Variants in CMPK2 observed in about 807,000 individuals in gnomAD.
The protein encoded by CMPK2 is UMP-CMP kinase 2, mitochondrial.
In CMPK2, 32 loss-of-function variants were observed where a neutral mutation model predicts 33.4. The ratio of observed to expected loss-of-function variants is 0.96; its 90% CI spans 0.72 to 1.29. The LOEUF (loss-of-function observed/expected upper bound fraction) is 1.29, where lower values mean the gene tolerates loss of function less well. Ranked by LOEUF, CMPK2 falls within the 50% of genes most tolerant of loss-of-function variation. CMPK2 has a pLI of 0.00. For missense variants in CMPK2, 672 were observed against 616.0 expected (o/e 1.09, Z -0.96); for synonymous variants, 299 against 275.3 (o/e 1.09, Z -0.85).
At chr2:6,841,525 G>A (rs1416381634) in intron 3 of CMPK2, among the ~76,000 whole-genome samples, 1 of 152,162 alleles carries the variant, frequency 6.6e-6, no homozygotes, top group Non-Finnish European at 1.5e-5. Flanking sequence ...TTTGGTGAAG[G>A]ATCTTAAGAA....
At position 6,851,033 on chromosome 2, in the gene CMPK2, T is replaced by A. The variant is rs372637540; in HGVS notation, c.1226+417A>T. ...GTTGTAAACTGTAAAATACGGCTAA[T>A]GTTTTCCTCACAAGGATGACATAAC... On this transcript the variant is annotated intron_variant, in intron 4 of 4. Transcript: ENST00000256722. The A allele has an allele frequency of 4.8e-4, 491 of 1,031,246 alleles. 2 individuals carry two copies. In the South Asian group the frequency reaches 0.016, roughly 34 times the overall value. The allele number at this position is 1,031,246 out of a possible 1,614,324, so 63.9% of individuals were successfully genotyped here.
At chr2:6,857,307 GTTTT>G (rs907226942) in intron 3 of CMPK2, among the ~76,000 whole-genome samples, 2 of 146,718 alleles carry the variant, frequency 1.4e-5, no homozygotes, top group Admixed American at 6.8e-5. Flanking sequence ...CTTCTTTTTT[GTTTT>G]TTGTTTTATT....
At position 6,861,263 on chromosome 2, in the gene CMPK2, C is replaced by G; in HGVS notation, c.913G>C (p.Ala305Pro). Residue 305 changes from alanine to proline, a missense_variant, in exon 3 of 5, where the codon GCT (alanine) becomes CCT (proline). Ala to Pro is a conservative substitution (Grantham distance 27, BLOSUM62 -1). Transcript: ENST00000256722. The stretch of plus-strand genomic sequence containing the variant: ...ATATAATTGCCCAAAGAGTAAAAAG[C>G]TCTTCTAATGATAGTTGGTTCATCA... ...FDDEPTIIRR[A>P]FYSLGNYIVA... The G allele has an allele frequency of 1.2e-6, 2 of 1,614,098 alleles. No individual in the cohort carries two copies. The highest frequency in any genetic ancestry group is 1.3e-5 in the African/African-American group (1 of 75,012).
chr2:6,865,118 C>T lies in CMPK2; in HGVS notation c.579G>A (p.Val193=), dbSNP rs933843144. 2.0e-6 allele frequency: 3 copies of T among 1,515,790 alleles called. No homozygotes were observed. Among genetic ancestry groups the T allele is most frequent in the Admixed American group, 2.1e-5 (1 of 48,306 alleles). 93.9% of individuals were successfully genotyped at this position (1,515,790 alleles called of 1,614,324 possible). A position where few individuals can be genotyped will look rare whatever the true frequency, so the allele number is the denominator to read the frequency against. The change falls in exon 1 of 5, where the codon GTG becomes GTA. Residue 193 remains valine, a synonymous_variant. Transcript: ENST00000256722. ...GGTGCAGCGGGGGCTCCGGGACGGG[C>T]ACGACCTGTGCGCAGCCCACCTGCA... ...RRLQVGCAQV[V]PVPEPPLHPV... is the part of the protein sequence containing the mutation.
chr2:6,852,472 T>C (rs888048324), intron 3 of CMPK2, among the ~76,000 whole-genome samples: 1 of 152,098 alleles, frequency 6.6e-6, no homozygotes, highest in Non-Finnish European at 1.5e-5. Flanking sequence ...GAGAGTGAGG[T>C]TCTCAGCCAG....
downstream of CMPK2, among the ~76,000 whole-genome samples, chr2:6,844,534 A>C (rs530481872): frequency 1.4e-4 from 21 of 152,258 alleles, no homozygotes; most frequent in East Asian, 4.1e-3. Context: ...TGTCCTTCTC[A>C]AGCCTTCCAG....
intron 3 of CMPK2, among the ~76,000 whole-genome samples, chr2:6,843,170 G>C (rs74454642): frequency 7.4e-4 from 112 of 152,290 alleles, no homozygotes; most frequent in African/African-American, 2.6e-3. Context: ...CTGATTGGAG[G>C]GATCCTCTAA....
intron 3 of CMPK2, among the ~76,000 whole-genome samples, chr2:6,857,217 G>A (rs566874519): frequency 6.6e-6 from 1 of 152,114 alleles, no homozygotes; most frequent in East Asian, 1.9e-4. Flanking sequence ...TCATCCATTT[G>A]TCATCGTGAT....
At chr2:6,854,953 T>C (rs948272390) in intron 3 of CMPK2, among the ~76,000 whole-genome samples, 1 of 151,896 alleles carries the variant, frequency 6.6e-6, no homozygotes, top group Non-Finnish European at 1.5e-5. Flanking sequence ...GCAGGCATCC[T>C]AGGACATAAT....
rs1439411941 is a variant in CMPK2, at chr2:6,848,891, CACTGT to C, written c.*954_*958del. On this transcript the variant is annotated 3_prime_UTR_variant, in exon 5 of 5. Transcript: ENST00000256722. ...TACCAAGAAATCCCACTCCAAGATC[CACTGT>C]ACTTATTTAACAAGACAAATTAAGT... 1.0e-6 allele frequency: 1 copy of C among 985,588 alleles called. No individual in the cohort carries two copies. Among genetic ancestry groups the C allele is most frequent in the African/African-American group, 1.7e-5 (1 of 57,228 alleles). 61.1% of individuals were successfully genotyped at this position (985,588 alleles called of 1,614,324 possible).
rs1558329678 is a variant in CMPK2, at chr2:6,865,636, C to CG, written c.60dup (p.Gly21ArgfsTer119). 7.4e-7 allele frequency: 1 copy of CG among 1,355,778 alleles called. No individual in the cohort carries two copies. Among genetic ancestry groups the CG allele is most frequent in the Admixed American group, 3.4e-5 (1 of 29,410 alleles). 84.0% of individuals were successfully genotyped at this position (1,355,778 alleles called of 1,614,324 possible). On this transcript the variant is annotated frameshift_variant, in exon 1 of 5. Transcript: ENST00000256722. LOFTEE classifies it high-confidence loss of function. The stretch of plus-strand genomic sequence containing the variant: ...GGAGCCATGGCCCCAGCGCAGACCC[C>CG]GCGCCGCCCGAGCAGCGGCCCCGAC...
intron 3 of CMPK2, among the ~76,000 whole-genome samples, chr2:6,843,048 C>T (rs1026512640): frequency 6.6e-6 from 1 of 152,188 alleles, no homozygotes; most frequent in Non-Finnish European, 1.5e-5. Context: ...TATTGTAAAA[C>T]TTTAATCTGA....
intron 3 of CMPK2, among the ~76,000 whole-genome samples, chr2:6,858,652 C>G (rs1412298600): frequency 1.3e-5 from 2 of 152,240 alleles, no homozygotes; most frequent in Non-Finnish European, 2.9e-5. Flanking sequence ...CTACTCTTGT[C>G]TGCTGCCATG....
rs1662444943 is a variant in CMPK2 at position 6,849,404 on chromosome 2, A to AGATGTGGAAGAAGCC, written c.*431_*445dup. 3.0e-6 allele frequency: 3 copies of AGATGTGGAAGAAGCC among 989,950 alleles called. No homozygotes were observed. In the African/African-American group the frequency reaches 5.2e-5, roughly 17 times the overall value. 61.3% of individuals were successfully genotyped at this position (989,950 alleles called of 1,614,324 possible). A position where few individuals can be genotyped will look rare whatever the true frequency, so the allele number is the denominator to read the frequency against. On this transcript the variant is annotated 3_prime_UTR_variant, in exon 5 of 5. Coordinates refer to ENST00000256722, the MANE Select transcript of CMPK2 (RefSeq NM_207315.4). ...CGAGCCCATCATGACGAGTGCAACC[A>AGATGTGGAAGAAGCC]GATGTGGAAGAAGCCAATGTGGGCA... is the stretch of plus-strand genomic sequence containing the variant.
chr2:6,863,613 CA>C, intron 1 of CMPK2, 35 bp from the exon 2 acceptor site: 9 of 1,535,386 alleles, frequency 5.9e-6, no homozygotes, highest in Non-Finnish European at 7.2e-6. Context: ...GCAATGAAGC[CA>C]GGGGGCTTTT....
chr2:6,864,951 T>C, intron 1 of CMPK2, 71 bp downstream of exon 1: 1 of 1,350,030 alleles, frequency 7.4e-7, no homozygotes, highest in Non-Finnish European at 9.6e-7. Flanking sequence ...CAGACCAGCC[T>C]CTTGGTCCAG....
At chr2:6,859,934 AG>A (rs1274707345) in intron 3 of CMPK2, among the ~76,000 whole-genome samples, 1 of 152,216 alleles carries the variant, frequency 6.6e-6, no homozygotes, top group African/African-American at 2.4e-5. Flanking sequence ...AGCAGCAAGG[AG>A]GGGGGCTATA....
intron 2 of CMPK2, among the ~76,000 whole-genome samples, chr2:6,861,712 C>T (rs1299905674): frequency 1.3e-5 from 2 of 152,192 alleles, no homozygotes; most frequent in Non-Finnish European, 2.9e-5. Flanking sequence ...TTTCTCTCCT[C>T]TTATTGTCTA....
At position 6,848,614 on chromosome 2, in the gene CMPK2, CA is replaced by C; in HGVS notation, c.*1235del. On this transcript the variant is annotated 3_prime_UTR_variant, in exon 5 of 5. Transcript: ENST00000256722. ...TTATTAGAATTTAAGATTCTATATG[CA>C]GACCTGATAAAGCCTTAAATTTAAT... The C allele has an allele frequency of 1.0e-6, 1 of 962,554 alleles. No individual in the cohort carries two copies. The highest frequency in any genetic ancestry group is 1.2e-6 in the Non-Finnish European group (1 of 808,926). The allele number at this position is 962,554 out of a possible 1,614,324, so 59.6% of individuals were successfully genotyped here.
Sources: gnomAD v4.1 joint callset for allele counts (sites outside exome capture counted in the v4.1 genomes callset) on GRCh38, gnomAD v4.1.1 for gene constraint, MANE v1.5 for transcripts, NCBI Gene and HGNC (gene_info 2026-07-23, HGNC 2026-07-21) for gene names.